Variants in NID2 observed in about 807,000 individuals in gnomAD.
NID2 encodes nidogen-2.
A neutral mutation model predicts 145.4 loss-of-function variants in NID2; 83 were observed. The ratio of observed to expected loss-of-function variants is 0.57; its 90% CI spans 0.48 to 0.69. The LOEUF (loss-of-function observed/expected upper bound fraction) is 0.69. Among genes scored for constraint, NID2 ranks in the 30% least tolerant of loss-of-function variants. The pLI is 0.00. For synonymous variants in NID2, 739 were observed against 701.3 expected (o/e 1.05, Z -0.85); for missense variants, 1,807 against 1,765.7 (o/e 1.02, Z -0.42).
intron 2 of NID2, among the ~76,000 whole-genome samples, chr14:52,063,151 A>C (rs1328499688): frequency 6.6e-6 from 1 of 152,202 alleles, no homozygotes; most frequent in Non-Finnish European, 1.5e-5. Context: ...CCTCTCAAAA[A>C]ACTCCTTGAC....
intron 3 of NID2, among the ~76,000 whole-genome samples, chr14:52,054,740 A>G (rs573577391): frequency 8.0e-4 from 122 of 152,318 alleles, no homozygotes; most frequent in African/African-American, 2.9e-3. Context: ...GGCTATTAAG[A>G]TCAGGTTCAG....
chr14:52,030,577 G>GAAAGAAAGAAAGAAA (rs1566755681), intron 9 of NID2, among the ~76,000 whole-genome samples: 5 of 92,950 alleles, frequency 5.4e-5, no homozygotes, highest in African/African-American at 2.0e-4. Context: ...AGGAAGGAAG[G>GAAAGAAAGAAAGAAA]GAAAGAAAGA....
rs1282916563 is a variant in NID2 at position 52,060,295 on chromosome 14, TA to T, written c.595del (p.Tyr199IlefsTer37). 2 of 1,592,636 alleles carry T rather than the reference TA, an allele frequency of 1.3e-6. No individual in the cohort carries two copies. Among genetic ancestry groups the T allele is most frequent in the Non-Finnish European group, 1.7e-6 (2 of 1,175,192 alleles). ...AAGGAACTGCAGGCCGTTGGCAGGATAAAGAAAGAGGGCGTAGCTATCAGAC... is the reference window on the plus strand; with the variant it reads ...AAGGAACTGCAGGCCGTTGGCAGGATAAGAAAGAGGGCGTAGCTATCAGAC... Reference protein sequence around the residue: ...DGSDSYALFLYPANGLQFLGT... With the variant: ...DGSDSYALFLXPANGLQFLGT... On this transcript the variant is annotated frameshift_variant, in exon 3 of 22. Transcript: ENST00000216286. LOFTEE classifies it high-confidence loss of function.
rs1163054048 is a variant in NID2 at position 52,005,843 on chromosome 14, A to ACCATCCCTGGTAACAGAAAGG, written c.4005-15_4010dup (p.Gly1337_Val1338insLeuSerValThrArgAspGly). ...CACTATGTTTATTTACTGATACAACACCATCCCTGGTAACAGAAAGGAAGA... is the reference window on the plus strand; with the variant it reads ...CACTATGTTTATTTACTGATACAACACCATCCCTGGTAACAGAAAGGCCATCCCTGGTAACAGAAAGGAAGA... On this transcript the variant is annotated inframe_insertion, in exon 21 of 22. Coordinates refer to ENST00000216286, the MANE Select transcript of NID2 (RefSeq NM_007361.4). The ACCATCCCTGGTAACAGAAAGG allele has an allele frequency of 6.2e-7, 1 of 1,605,944 alleles. No individual in the cohort carries two copies. Among genetic ancestry groups the ACCATCCCTGGTAACAGAAAGG allele is most frequent in the Non-Finnish European group, 8.5e-7 (1 of 1,172,586 alleles).
At position 52,005,317 on chromosome 14, in the gene NID2, A is replaced by C; in HGVS notation, c.*169T>G. On this transcript the variant is annotated 3_prime_UTR_variant, in exon 22 of 22. Transcript: ENST00000216286. ...TTTAAAAATACAGTAGTAAAGATTG[A>C]GGTATCAGCTTTTCACAAAAGTCTT... 2.1e-6 allele frequency: 1 copy of C among 471,442 alleles called. No individual in the cohort carries two copies. Among genetic ancestry groups the C allele is most frequent in the Non-Finnish European group, 3.6e-6 (1 of 274,842 alleles). 29.2% of individuals were successfully genotyped at this position (471,442 alleles called of 1,614,324 possible). A position where few individuals can be genotyped will look rare whatever the true frequency, so the allele number is the denominator to read the frequency against.
At chr14:52,035,856 GTATATATATATA>G (rs60735637) in intron 9 of NID2, among the ~76,000 whole-genome samples, 2 of 65,284 alleles carry the variant, frequency 3.1e-5, no homozygotes, top group East Asian at 3.8e-4. Flanking sequence ...ATTTTTTTGT[GTATATATATATA>G]TATATATATA....
At position 52,030,441 on chromosome 14, in the gene NID2, C is replaced by T. The variant is rs964343953; in HGVS notation, c.2258-751G>A. Among the ~76,000 whole-genome samples the T allele has an allele frequency of 5.5e-5, 8 of 144,696 alleles. No homozygotes were observed. In the South Asian group the frequency reaches 8.8e-4, roughly 16 times the overall value. 94.9% of individuals were successfully genotyped at this position (144,696 alleles called of 152,430 possible). On this transcript the variant is annotated intron_variant, in intron 9 of 21. Coordinates refer to ENST00000216286, the MANE Select transcript of NID2 (RefSeq NM_007361.4). The stretch of plus-strand genomic sequence containing the variant: ...TAGTTTGAAGCCAGGAGTTCAAGAC[C>T]AGCCTGGGCAATATGCCAAGACCTT...
At chr14:52,027,530 A>G (rs1381419227) in intron 11 of NID2, among the ~76,000 whole-genome samples, 186 bp from the exon 12 acceptor site, 1 of 152,054 alleles carries the variant, frequency 6.6e-6, no homozygotes, top group Non-Finnish European at 1.5e-5. Context: ...GTATGCTATT[A>G]AAGTTCAAGT....
Position 52,069,058 on chromosome 14 carries a change from C to G in NID2, c.-64G>C, listed in dbSNP as rs1180989801. On this transcript the variant is annotated 5_prime_UTR_variant, in exon 1 of 22. Transcript: ENST00000216286. Reference sequence around the variant, plus strand: ...CCCGCCCCGGCCTCCAGCCCACTCTCCGCGCCGCGCCAGCCTCGAACCTGG... The same window carrying G: ...CCCGCCCCGGCCTCCAGCCCACTCTGCGCGCCGCGCCAGCCTCGAACCTGG... 7.4e-6 allele frequency: 10 copies of G among 1,345,304 alleles called. No homozygotes were observed. The South Asian group carries it at 8.3e-5, about 11-fold the overall frequency. 83.3% of individuals were successfully genotyped at this position (1,345,304 alleles called of 1,614,324 possible).
At position 52,005,333 on chromosome 14, in the gene NID2, CAA is replaced by C. The variant is rs911876572; in HGVS notation, c.*151_*152del. The C allele has an allele frequency of 1.0e-5, 6 of 589,178 alleles. No homozygotes were observed. Among genetic ancestry groups the C allele is most frequent in the African/African-American group, 5.7e-5 (3 of 52,898 alleles). 36.5% of individuals were successfully genotyped at this position (589,178 alleles called of 1,614,324 possible). A position where few individuals can be genotyped will look rare whatever the true frequency, so the allele number is the denominator to read the frequency against. On this transcript the variant is annotated 3_prime_UTR_variant, in exon 22 of 22. Transcript: ENST00000216286. ...TAAAGATTGAGGTATCAGCTTTTCA[CAA>C]AAGTCTTTTTGCACTACAAAATGTT... is the stretch of plus-strand genomic sequence containing the variant.
rs144774059 is a variant in NID2, at chr14:52,020,065, T to C, written c.2788A>G (p.Ile930Val). ...PGYYGDGFQC[I>V]PDSTSSLTPC... ...CTGGCCCTCTGAAACTTACCAGGTA[T>C]GCACTGAAATCCATCCCCATAATAT... The change falls in exon 13 of 22, where the codon ATA (isoleucine) becomes GTA (valine). Residue 930 changes from isoleucine (I) to valine (V), a missense_variant. Ile to Val is a conservative substitution (Grantham distance 29). Transcript: ENST00000216286. The C allele has an allele frequency of 1.7e-3, 2,785 of 1,613,954 alleles. 6 individuals are homozygous for C. Among genetic ancestry groups the C allele is most frequent in the Non-Finnish European group, 2.0e-3 (2,301 of 1,179,856 alleles).
In NID2 at chr14:52,060,665, T is replaced by A. The variant is rs913003341; in HGVS notation, c.535-309A>T. On this transcript the variant is annotated intron_variant, in intron 2 of 21. Coordinates refer to ENST00000216286, the MANE Select transcript of NID2 (RefSeq NM_007361.4). ...ATATATACTTTGTAAGGTTTCAAAC[T>A]TCTCTCATGTAAACTCTTTCAGAGC... Among the ~76,000 whole-genome samples, 9 of 152,364 alleles carry A rather than the reference T, an allele frequency of 5.9e-5. No individual in the cohort carries two copies. The South Asian group carries it at 1.0e-3, about 18-fold the overall frequency.
In NID2 at chr14:52,038,869, G is replaced by T. The variant is rs929375091; in HGVS notation, c.2135C>A (p.Ala712Asp). The change falls in exon 9 of 22, where the codon GCC (alanine) becomes GAC (aspartate). Residue 712 changes from alanine (A) to aspartate (D), a missense_variant. Transcript: ENST00000216286. ...QNITYQVCRH[A>D]PRHPSFPTTQ... The stretch of plus-strand genomic sequence containing the variant: ...GGTGGGGAAGGACGGGTGTCTGGGG[G>T]CGTGCCTGCACACCTGGTAAGTGAT... 3 of 1,614,128 alleles carry T rather than the reference G, an allele frequency of 1.9e-6. No homozygotes were observed. The highest frequency in any genetic ancestry group is 1.3e-5 in the African/African-American group (1 of 75,050).
rs1488811318 is a variant in NID2 at position 52,005,168 on chromosome 14, C to CTAAT, written c.*314_*317dup. The CTAAT allele has an allele frequency of 8.4e-6, 2 of 236,800 alleles. No homozygotes were observed. The highest frequency in any genetic ancestry group is 1.6e-5 in the Non-Finnish European group (2 of 123,384). 14.7% of individuals were successfully genotyped at this position (236,800 alleles called of 1,614,324 possible). ...AAAATCAGGTTTAGAGTCTTAAACT[C>CTAAT]TAATTCTTAGTTGAATGAATTTGAT... On this transcript the variant is annotated 3_prime_UTR_variant, in exon 22 of 22. Coordinates refer to ENST00000216286, the MANE Select transcript of NID2 (RefSeq NM_007361.4).
intron 14 of NID2, 62 bp downstream of exon 14, chr14:52,018,999 G>A: frequency 7.4e-7 from 1 of 1,351,316 alleles, no homozygotes; most frequent in Non-Finnish European, 1.0e-6. Flanking sequence ...GGTCTGGGCA[G>A]GAATTATGAT....
chr14:52,049,778 G>A (rs1892627610), intron 5 of NID2, among the ~76,000 whole-genome samples: 2 of 152,150 alleles, frequency 1.3e-5, no homozygotes, highest in Admixed American at 1.3e-4. Flanking sequence ...CCTGGGGGTG[G>A]CCTTTTACAA....
Position 52,060,368 on chromosome 14 carries a change from A to G in NID2, c.535-12T>C, listed in dbSNP as rs1892987076. 2 of 1,054,280 alleles carry G rather than the reference A, an allele frequency of 1.9e-6. No individual in the cohort carries two copies. The highest frequency in any genetic ancestry group is 2.6e-6 in the Non-Finnish European group (2 of 774,252). The allele number at this position is 1,054,280 out of a possible 1,614,324, so 65.3% of individuals were successfully genotyped here. ...TGGAAAGTGTTCAGCTGTGAGGAAA[A>G]AAAAAAAAAAAGAGAGAGAGAGAGA... On this transcript the variant is annotated splice_polypyrimidine_tract_variant and intron_variant, in intron 2 of 21. Coordinates refer to ENST00000216286, the MANE Select transcript of NID2 (RefSeq NM_007361.4).
At chr14:52,025,806 T>C (rs1376692747) in intron 12 of NID2, among the ~76,000 whole-genome samples, 4 of 151,784 alleles carry the variant, frequency 2.6e-5, no homozygotes. Context: ...TTAAAGGCCC[T>C]ACCTCTCAAT....
chr14:52,039,197 T>C (rs1485151688), intron 8 of NID2, among the ~76,000 whole-genome samples: 1 of 152,182 alleles, frequency 6.6e-6, no homozygotes, highest in Non-Finnish European at 1.5e-5. Context: ...TCCATGTTAT[T>C]ATACACAAAG....
Sources: allele counts gnomAD v4.1 joint callset (sites outside exome capture counted in the v4.1 genomes callset), GRCh38; gene constraint gnomAD v4.1.1; transcripts MANE v1.5; gene names NCBI Gene and HGNC (gene_info 2026-07-23, HGNC 2026-07-21).